PRRC2C: variants seen among roughly 807,000 people sequenced by gnomAD.
PRRC2C encodes proline rich coiled-coil 2C, also known as protein PRRC2C.
Under a neutral mutation model 317.2 loss-of-function variants are expected in PRRC2C, and 72 were observed. The ratio of observed to expected loss-of-function variants is 0.23; its 90% CI spans 0.19 to 0.28. The LOEUF is 0.28. Among genes scored for constraint, PRRC2C ranks in the 10% least tolerant of loss-of-function variants. The pLI, the probability that PRRC2C is intolerant of heterozygous loss-of-function variation, is 1.00. For missense variants in PRRC2C, 3,074 were observed against 3,459.7 expected (o/e 0.89, Z 2.80); for synonymous variants, 1,296 against 1,205.9 (o/e 1.07, Z -1.55).
At chr1:171,550,618 TC>T (rs1680028603) in intron 18 of PRRC2C, among the ~76,000 whole-genome samples, 3 of 79,272 alleles carry the variant, frequency 3.8e-5, no homozygotes, top group East Asian at 3.9e-4. Flanking sequence ...CCCTCCCCCC[TC>T]CCCCCATCCC....
chr1:171,539,931 T>C, intron 15 of PRRC2C, 40 bp from the exon 16 acceptor site: 2 of 1,500,550 alleles, frequency 1.3e-6, no homozygotes, highest in South Asian at 1.3e-5. Context: ...ATGGGAAAGA[T>C]TGCTTTGTTG....
Position 171,541,743 on chromosome 1 carries a change from G to A in PRRC2C, c.4277G>A (p.Arg1426His), listed in dbSNP as rs1384832195. ...GCTAGAGAAAGGCCTCGAAGGCAGC[G>A]TCCTACTCGACCACCAAGGCAAGAC... ...DPARERPRRQ[R>H]PTRPPRQDKP... The change falls in exon 16 of 35, where the codon CGT becomes CAT. Residue 1426 changes from arginine to histidine, a missense_variant. Physicochemically the swap from Arg to His is conservative, Grantham distance 29. Around this residue, in one of 11 missense-constraint regions of PRRC2C, gnomAD observed 1,320 missense variants for 1,395.7 expected, o/e 0.95. Coordinates refer to ENST00000647382, the MANE Select transcript of PRRC2C (RefSeq NM_001387844.1). The surrounding 1 kb of genome is among the most constrained non-coding windows in gnomAD (Gnocchi z 4.1). 28 of 1,613,812 alleles carry A rather than the reference G, an allele frequency of 1.7e-5. No individual in the cohort carries two copies. Among genetic ancestry groups the A allele is most frequent in the African/African-American group, 2.7e-5 (2 of 74,908 alleles).
At chr1:171,552,090 A>G (rs942188643) in intron 18 of PRRC2C, among the ~76,000 whole-genome samples, 3 of 152,188 alleles carry the variant, frequency 2.0e-5, no homozygotes, top group Non-Finnish European at 4.4e-5. Context: ...CTTTCTATCC[A>G]TGAGCATGGA....
intron 20 of PRRC2C, among the ~76,000 whole-genome samples, chr1:171,562,080 A>C (rs892536105): frequency 2.0e-5 from 3 of 152,240 alleles, no homozygotes; most frequent in Non-Finnish European, 4.4e-5. Context: ...CAAGGTTCAC[A>C]AAGACAGTTT....
intron 18 of PRRC2C, among the ~76,000 whole-genome samples, chr1:171,554,718 C>T (rs762665929): frequency 1.3e-4 from 20 of 152,260 alleles, no homozygotes; most frequent in South Asian, 2.1e-4. Flanking sequence ...CCTTCACTTA[C>T]GAAGCTTAGT....
chr1:171,560,597 T>A (rs960736107), intron 19 of PRRC2C, among the ~76,000 whole-genome samples: 4 of 152,232 alleles, frequency 2.6e-5, no homozygotes, highest in Admixed American at 2.6e-4. Flanking sequence ...ACTGGCAAGA[T>A]TCCACCAGCA....
chr1:171,511,431 A>C (rs560331522), intron 1 of PRRC2C: 4 of 152,184 alleles, frequency 2.6e-5, no homozygotes, highest in African/African-American at 9.6e-5. Flanking sequence ...GGAACTTTAT[A>C]TATGCTTTGA....
intron 1 of PRRC2C, 114 bp from the exon 2 acceptor site, chr1:171,511,918 T>G (rs976149601): frequency 6.2e-6 from 3 of 485,690 alleles, no homozygotes; most frequent in Non-Finnish European, 1.1e-5. Flanking sequence ...AATTTGACAG[T>G]TAAAAAGTTC....
At chr1:171,539,589 C>G (rs1677563720) in intron 15 of PRRC2C, among the ~76,000 whole-genome samples, 1 of 152,136 alleles carries the variant, frequency 6.6e-6, no homozygotes, top group Non-Finnish European at 1.5e-5. Flanking sequence ...ATTATGGTTT[C>G]TGCTTTGATG....
In PRRC2C at chr1:171,492,738, TTTTA is replaced by T. The variant is rs58061201; in HGVS notation, c.-58+7032_-58+7035del. 3.6e-3 allele frequency among the ~76,000 whole-genome samples: 516 copies of T among 144,350 alleles called. 2 individuals are homozygous for T. The highest frequency in any genetic ancestry group is 0.021 in the Middle Eastern group (6 of 286). 94.7% of individuals were successfully genotyped at this position (144,350 alleles called of 152,430 possible). A position where few individuals can be genotyped will look rare whatever the true frequency, so the allele number is the denominator to read the frequency against. ...CAAGAGGGTAGGGGAATTTTTTTAATTTTATTTATTTATTTATTTATTTATTTAT... is the reference window on the plus strand; with the variant it reads ...CAAGAGGGTAGGGGAATTTTTTTAATTTTATTTATTTATTTATTTATTTAT... On this transcript the variant is annotated intron_variant, in intron 1 of 34. Coordinates refer to ENST00000647382, the MANE Select transcript of PRRC2C (RefSeq NM_001387844.1).
chr1:171,527,756 A>G (rs10753126), intron 10 of PRRC2C, 35 bp from the exon 11 acceptor site: 1,253,741 of 1,524,762 alleles, frequency 0.82, 516,390 homozygotes, highest in East Asian at 0.9. Context: ...ACTGTCTCCA[A>G]AATAATAAGA....
chr1:171,532,284 T>G, intron 11 of PRRC2C, 59 bp from the exon 12 acceptor site: 1 of 1,509,014 alleles, frequency 6.6e-7, no homozygotes, highest in Non-Finnish European at 8.8e-7. Flanking sequence ...CCATGCCTGA[T>G]ACCCAGTGTT....
Position 171,523,834 on chromosome 1 carries a change from G to A in PRRC2C, c.1055+312G>A, listed in dbSNP as rs895635082. Among the ~76,000 whole-genome samples, 4 of 152,006 alleles carry A rather than the reference G, an allele frequency of 2.6e-5. No homozygotes were observed. The South Asian group carries it at 6.2e-4, about 24-fold the overall frequency. On this transcript the variant is annotated intron_variant, in intron 9 of 34. Coordinates refer to ENST00000647382, the MANE Select transcript of PRRC2C (RefSeq NM_001387844.1). ...GCAGATCACTTGAGGTCAGGAGTTC[G>A]AGACCAGCTTGGCCAACATGGTGAA...
chr1:171,584,590 T>A, intron 30 of PRRC2C, 64 bp downstream of exon 30: 1 of 1,482,858 alleles, frequency 6.7e-7, no homozygotes, highest in Non-Finnish European at 9.0e-7. Context: ...CTTTTGTTAT[T>A]GTTTGGGAAT....
Position 171,496,199 on chromosome 1 carries a change from C to CTTT in PRRC2C, c.-58+10486_-58+10488dup, listed in dbSNP as rs528654548. 2.3e-3 allele frequency among the ~76,000 whole-genome samples: 174 copies of CTTT among 75,604 alleles called. 4 individuals are homozygous for CTTT. Among genetic ancestry groups the CTTT allele is most frequent in the Middle Eastern group, 9.8e-3 (1 of 102 alleles). 49.6% of individuals were successfully genotyped at this position (75,604 alleles called of 152,430 possible). A position where few individuals can be genotyped will look rare whatever the true frequency, so the allele number is the denominator to read the frequency against. ...ATTTTTAGAGCTTTGATTTTTGTGC[C>CTTT]TTTTTTTTTTTTTTTTTTTTTTTTG... is the stretch of plus-strand genomic sequence containing the variant. On this transcript the variant is annotated intron_variant, in intron 1 of 34. Transcript: ENST00000647382.
Position 171,571,328 on chromosome 1 carries a change from G to T in PRRC2C, c.6660G>T (p.Leu2220=). The change falls in exon 24 of 35, where the codon CTG becomes CTT. Residue 2220 remains leucine (L), a synonymous_variant. Coordinates refer to ENST00000647382, the MANE Select transcript of PRRC2C (RefSeq NM_001387844.1). ...MEDTLVNNVP[L]PNTLPLPKRE... is the part of the protein sequence containing the mutation. ...GTTGCCTACCTTTTCAGGTGCCCCT[G>T]CCCAACACCCTTCCCCTCCCTAAGA... The T allele has an allele frequency of 2.5e-6, 4 of 1,605,588 alleles. No individual in the cohort carries two copies. The highest frequency in any genetic ancestry group is 3.4e-6 in the Non-Finnish European group (4 of 1,172,526).
At chr1:171,514,287 TG>T (rs1224943460) in intron 3 of PRRC2C, among the ~76,000 whole-genome samples, 1 of 152,016 alleles carries the variant, frequency 6.6e-6, no homozygotes, top group Non-Finnish European at 1.5e-5. Flanking sequence ...TGTGTGTGTG[TG>T]TGTTTTAAAC....
chr1:171,591,656 A>G lies in PRRC2C; in HGVS notation c.8506A>G (p.Ile2836Val). Residue 2836 changes from isoleucine (I) to valine (V), a missense_variant, in exon 35 of 35, where the codon ATA becomes GTA. By Grantham distance (29) the Ile-to-Val change is conservative. Transcript: ENST00000647382. ...CTCTGAACAGCAACAGAGCAAACAG[A>G]TAGGAGGAGGCAAAGCCCAGAAAGT... is the stretch of plus-strand genomic sequence containing the variant. The part of the protein sequence containing the change: ...FFSEQQQSKQ[I>V]GGGKAQKVDS... 6.2e-7 allele frequency: 1 copy of G among 1,613,950 alleles called. No individual in the cohort carries two copies. Among genetic ancestry groups the G allele is most frequent in the Non-Finnish European group, 8.5e-7 (1 of 1,179,872 alleles).
chr1:171,504,122 G>A (rs1404544906), intron 1 of PRRC2C, among the ~76,000 whole-genome samples: 1 of 152,120 alleles, frequency 6.6e-6, no homozygotes, highest in Non-Finnish European at 1.5e-5. Flanking sequence ...CTGGTGAAGT[G>A]TCTCTTCAAA....
Sources: allele counts gnomAD v4.1 joint callset (sites outside exome capture counted in the v4.1 genomes callset), GRCh38; gene constraint gnomAD v4.1.1; regional missense constraint gnomAD v4.1.1; non-coding constraint Gnocchi (gnomAD v3.1); transcripts MANE v1.5; gene names NCBI Gene and HGNC (gene_info 2026-07-23, HGNC 2026-07-21).